PCDHA10: variants seen among roughly 807,000 people sequenced by gnomAD.
PCDHA10 encodes the protein protocadherin alpha-10.
PCDHA10 carries 45 observed loss-of-function variants against 61.2 expected under a neutral mutation model. That is an observed-to-expected ratio of 0.74 (90% CI 0.58 to 0.94). The LOEUF (loss-of-function observed/expected upper bound fraction) is 0.94. Among genes scored for constraint, PCDHA10 ranks in the 40% least tolerant of loss-of-function variants. PCDHA10 has a pLI of 0.00. For synonymous variants in PCDHA10, 602 were observed against 548.8 expected (o/e 1.10, Z -1.35); for missense variants, 1,278 against 1,236.2 (o/e 1.03, Z -0.51).
intron 1 of PCDHA10, among the ~76,000 whole-genome samples, chr5:140,916,434 C>T (rs1554197442): frequency 1.3e-5 from 2 of 152,184 alleles, no homozygotes; most frequent in Non-Finnish European, 2.9e-5. Context: ...AACCTAAGGC[C>T]CACAGTATAC....
At chr5:140,927,896 A>C in intron 1 of PCDHA10, 1 of 1,614,200 alleles carries the variant, frequency 6.2e-7, no homozygotes, top group East Asian at 2.2e-5. Flanking sequence ...GACGTGAACG[A>C]TCATGCCCCC....
chr5:140,884,803 C>T, intron 1 of PCDHA10: 1 of 1,225,142 alleles, frequency 8.2e-7, no homozygotes, highest in Non-Finnish European at 1.1e-6. Context: ...AATTTAACAA[C>T]TCTGCTGTGG....
intron 1 of PCDHA10, chr5:140,876,199 G>A (rs1343468592): frequency 6.2e-7 from 1 of 1,613,822 alleles, no homozygotes; most frequent in African/African-American, 1.3e-5. Context: ...TCCGGCGTTT[G>A]ATAAGCCCAG....
chr5:140,920,519 C>T lies in PCDHA10; in HGVS notation c.2389-58430C>T, dbSNP rs555001599. Among the ~76,000 whole-genome samples the T allele has an allele frequency of 2.9e-4, 44 of 152,246 alleles. 2 individuals are homozygous for T. The highest frequency in any genetic ancestry group is 2.8e-4 in the Non-Finnish European group (19 of 68,008). On this transcript the variant is annotated intron_variant, in intron 1 of 3. Coordinates refer to ENST00000307360, the MANE Select transcript of PCDHA10 (RefSeq NM_018901.4). The stretch of plus-strand genomic sequence containing the variant: ...GTTCTACATACTGTTTTATGCAATT[C>T]GTTAGACTCAGGTTTTCTATTTCAC...
intron 1 of PCDHA10, chr5:140,868,213 A>G (rs1296985055): frequency 6.6e-6 from 1 of 152,200 alleles, no homozygotes; most frequent in Non-Finnish European, 1.5e-5. Flanking sequence ...GAAATAATAT[A>G]TGTCAAATAA....
chr5:140,943,751 TAGG>T (rs1284418706), intron 1 of PCDHA10, among the ~76,000 whole-genome samples: 1 of 152,048 alleles, frequency 6.6e-6, no homozygotes, highest in Non-Finnish European at 1.5e-5. Flanking sequence ...CTAAAAGCAG[TAGG>T]AGATGTAGGA....
chr5:140,904,170 A>T (rs2070892349), intron 1 of PCDHA10, among the ~76,000 whole-genome samples: 1 of 151,964 alleles, frequency 6.6e-6, no homozygotes. Context: ...GTAGTCTTTT[A>T]TTCCTCACCC....
intron 3 of PCDHA10, among the ~76,000 whole-genome samples, chr5:140,986,380 G>T (rs1554247980): frequency 6.6e-6 from 1 of 152,130 alleles, no homozygotes; most frequent in African/African-American, 2.4e-5. Flanking sequence ...TGGGGGGAGG[G>T]ACATTAAAGG....
chr5:140,936,820 T>C (rs2091164037), intron 1 of PCDHA10, among the ~76,000 whole-genome samples: 1 of 152,236 alleles, frequency 6.6e-6, no homozygotes, highest in Non-Finnish European at 1.5e-5. Flanking sequence ...TTTTTGGCCC[T>C]TTGCATTTCT....
chr5:140,890,319 A>C (rs2062592452), intron 1 of PCDHA10, among the ~76,000 whole-genome samples: 1 of 152,206 alleles, frequency 6.6e-6, no homozygotes, highest in Admixed American at 6.5e-5. Context: ...AGTTGTTTTA[A>C]GATATTAGGT....
intron 1 of PCDHA10, among the ~76,000 whole-genome samples, chr5:140,934,783 A>C (rs2090034582): frequency 6.6e-6 from 1 of 152,180 alleles, no homozygotes; most frequent in Non-Finnish European, 1.5e-5. Context: ...GGCCCAATCC[A>C]TGTCAATTAT....
chr5:140,919,258 A>G (rs2079053720), intron 1 of PCDHA10, among the ~76,000 whole-genome samples: 1 of 152,178 alleles, frequency 6.6e-6, no homozygotes, highest in African/African-American at 2.4e-5. Flanking sequence ...TTTGTCTGAT[A>G]TTAGTGTAGT....
At chr5:140,911,464 A>T (rs1300349898) in intron 1 of PCDHA10, among the ~76,000 whole-genome samples, 2 of 152,144 alleles carry the variant, frequency 1.3e-5, no homozygotes, top group African/African-American at 2.4e-5. Flanking sequence ...TCTACAGGAG[A>T]TAAGACTCTC....
chr5:140,875,603 T>C (rs2055641899), intron 1 of PCDHA10: 1 of 1,613,724 alleles, frequency 6.2e-7, no homozygotes, highest in Admixed American at 1.7e-5. Context: ...CACGGCACCT[T>C]CGTGGGCCGC....
chr5:140,876,875 A>G, intron 1 of PCDHA10: 1 of 1,613,762 alleles, frequency 6.2e-7, no homozygotes, highest in Admixed American at 1.7e-5. Flanking sequence ...AAGGAGAACA[A>G]CCCGCCGGGC....
intron 1 of PCDHA10, among the ~76,000 whole-genome samples, chr5:140,922,818 C>G (rs530870255): frequency 6.6e-6 from 1 of 152,326 alleles, no homozygotes; most frequent in South Asian, 2.1e-4. Context: ...GGAGATACAG[C>G]ATACTGCTAA....
intron 1 of PCDHA10, chr5:140,871,342 T>C: frequency 6.2e-7 from 1 of 1,614,120 alleles, no homozygotes; most frequent in Non-Finnish European, 8.5e-7. Context: ...GGTGGGGAGC[T>C]GGTCATACTC....
intron 1 of PCDHA10, among the ~76,000 whole-genome samples, chr5:140,874,551 T>C (rs1418780563): frequency 6.6e-6 from 1 of 152,222 alleles, no homozygotes; most frequent in African/African-American, 2.4e-5. Flanking sequence ...CTTTAAGAGA[T>C]CTTTCGCATT....
intron 1 of PCDHA10, chr5:140,928,165 C>G: frequency 6.2e-7 from 1 of 1,614,200 alleles, no homozygotes; most frequent in Non-Finnish European, 8.5e-7. Context: ...CTCACCCCCA[C>G]TTAGCACCCG....
Sources: allele counts gnomAD v4.1 joint callset (sites outside exome capture counted in the v4.1 genomes callset), GRCh38; gene constraint gnomAD v4.1.1; transcripts MANE v1.5; gene names NCBI Gene and HGNC (gene_info 2026-07-23, HGNC 2026-07-21).